Variants in PHF6 observed in about 807,000 individuals in gnomAD.
PHF6 encodes PHD finger protein 6.
Under a neutral mutation model 34.0 loss-of-function variants are expected in PHF6, and 7 were observed. The ratio of observed to expected loss-of-function variants is 0.21; its 90% CI spans 0.12 to 0.39. PHF6 has a LOEUF of 0.39. Ranked by LOEUF, PHF6 falls within the 10% of genes least tolerant of loss-of-function variation. The probability of loss-of-function intolerance (pLI) is 1.00; values close to 1 mark genes in which losing one functional copy is unlikely to be tolerated. For missense variants in PHF6, 128 were observed against 262.8 expected, an observed-to-expected ratio of 0.49 and a Z score of 3.55; for synonymous variants, 89 against 88.4, an observed-to-expected ratio of 1.01 and a Z score of -0.04.
intron 5 of PHF6, among the ~76,000 whole-genome samples, chrX:134,406,068 TTC>T (rs2077422561): frequency 1.7e-5 from 1 of 58,084 alleles, no homozygotes; most frequent in Admixed American, 1.6e-4. Context: ...TTCTTTTTCT[TTC>T]TTTCTTTCTT....
At chrX:134,425,113 TG>T in intron 9 of PHF6, 87 bp from the exon 10 acceptor site, 1 of 1,086,221 alleles carries the variant, frequency 9.2e-7, no homozygotes, top group Non-Finnish European at 1.3e-6. Context: ...ATGTTTTAAA[TG>T]GGCACTAGCC....
rs2077507100 is a variant in PHF6 at position 134,426,239 on chromosome X, G to A, written c.*579G>A. On this transcript the variant is annotated 3_prime_UTR_variant, in exon 11 of 11. Transcript: ENST00000370803. ...CTGTTAAAGTTGTTCTCACTGACCA[G>A]CATGGACTCAGGCAACTGGTAATGA... The A allele has an allele frequency of 6.2e-6, 1 of 160,179 alleles. No homozygotes were observed. Among genetic ancestry groups the A allele is most frequent in the Non-Finnish European group, 1.2e-5 (1 of 82,374 alleles). 13.2% of individuals were successfully genotyped at this position (160,179 alleles called of 1,213,427 possible).
intron 5 of PHF6, among the ~76,000 whole-genome samples, chrX:134,398,543 C>G (rs1320918138): frequency 1.8e-5 from 2 of 111,755 alleles, no homozygotes; most frequent in Non-Finnish European, 3.8e-5. Context: ...TGCAGGAATC[C>G]TGGTTAGTAG....
intron 10 of PHF6, 118 bp downstream of exon 10, chrX:134,425,448 C>T: frequency 1.1e-6 from 1 of 892,500 alleles, no homozygotes; most frequent in South Asian, 2.3e-5. Context: ...TAGTTAAGAG[C>T]ATGTTACTAA....
Position 134,428,734 on chromosome X carries a change from C to G in PHF6, c.*3074C>G, listed in dbSNP as rs2077515272. On this transcript the variant is annotated 3_prime_UTR_variant, in exon 11 of 11. Transcript: ENST00000370803. ...AAATTGTAGTTTGTAGTATTAGTTT[C>G]CTTTTATTGGTATTCTTGCATATAC... 7.2e-6 allele frequency: 1 copy of G among 138,594 alleles called. No individual in the cohort carries two copies. The highest frequency in any genetic ancestry group is 1.5e-5 in the Non-Finnish European group (1 of 67,996). 11.4% of individuals were successfully genotyped at this position (138,594 alleles called of 1,213,427 possible).
chrX:134,406,730 A>G (rs1219115499), intron 5 of PHF6, among the ~76,000 whole-genome samples: 1 of 111,633 alleles, frequency 9.0e-6, no homozygotes, highest in Non-Finnish European at 1.9e-5. Flanking sequence ...AAGGAGGACA[A>G]CCCTATTTTG....
chrX:134,378,679 A>G (rs1365926032), intron 3 of PHF6, among the ~76,000 whole-genome samples: 1 of 112,990 alleles, frequency 8.9e-6, no homozygotes, highest in East Asian at 2.8e-4. Flanking sequence ...CCATATTAGT[A>G]AGATATTACA....
At chrX:134,374,062 G>T (rs2077268407) in intron 1 of PHF6, among the ~76,000 whole-genome samples, 1 of 110,952 alleles carries the variant, frequency 9.0e-6, no homozygotes, top group Non-Finnish European at 1.9e-5. Flanking sequence ...AAGTGTTTTA[G>T]GGGAAGATAG....
Position 134,426,241 on chromosome X carries a change from A to G in PHF6, c.*581A>G, listed in dbSNP as rs2077507111. On this transcript the variant is annotated 3_prime_UTR_variant, in exon 11 of 11. Coordinates refer to ENST00000370803, the MANE Select transcript of PHF6 (RefSeq NM_001015877.2). ...GTTAAAGTTGTTCTCACTGACCAGC[A>G]TGGACTCAGGCAACTGGTAATGATA... 6.2e-6 allele frequency: 1 copy of G among 160,435 alleles called. No individual in the cohort carries two copies. Among genetic ancestry groups the G allele is most frequent in the Non-Finnish European group, 1.2e-5 (1 of 82,524 alleles). The allele number at this position is 160,435 out of a possible 1,213,427, so 13.2% of individuals were successfully genotyped here.
At chrX:134,424,993 T>C (rs1412682209) in intron 9 of PHF6, among the ~76,000 whole-genome samples, 1 of 111,989 alleles carries the variant, frequency 8.9e-6, no homozygotes, top group Non-Finnish European at 1.9e-5. Context: ...GAGATTTTGT[T>C]TCAGATGAAC....
chrX:134,382,965 C>G (rs1199988808), intron 3 of PHF6, among the ~76,000 whole-genome samples: 2 of 110,679 alleles, frequency 1.8e-5, no homozygotes, highest in African/African-American at 6.6e-5. Flanking sequence ...GATTTTTGGC[C>G]TAAGGATTGG....
chrX:134,405,435 G>A (rs1225529227), intron 5 of PHF6, among the ~76,000 whole-genome samples: 2 of 111,340 alleles, frequency 1.8e-5, no homozygotes, highest in African/African-American at 6.6e-5. Flanking sequence ...CTGACCTCAG[G>A]TGATCTACCC....
Sources: gnomAD v4.1 joint callset for allele counts (sites outside exome capture counted in the v4.1 genomes callset) on GRCh38, gnomAD v4.1.1 for gene constraint, MANE v1.5 for transcripts, NCBI Gene and HGNC (gene_info 2026-07-23, HGNC 2026-07-21) for gene names.